TRPM7: variants seen among roughly 807,000 people sequenced by gnomAD.
The protein encoded by TRPM7 is transient receptor potential cation channel subfamily M member 7, also known as LTRPC ion channel family member 7.
In TRPM7, 134 loss-of-function variants were observed where a neutral mutation model predicts 229.7. The ratio of observed to expected loss-of-function variants is 0.58; its 90% confidence interval spans 0.51 to 0.67. The LOEUF is 0.67. Among genes scored for constraint, TRPM7 ranks in the 30% least tolerant of loss-of-function variants. TRPM7 has a pLI of 0.00. For missense variants in TRPM7, 1,901 were observed against 2,210.0 expected (o/e 0.86, Z 2.80); for synonymous variants, 699 against 715.2 (o/e 0.98, Z 0.36).
chr15:50,570,499 TAGC>T (rs2053824462), intron 36 of TRPM7, among the ~76,000 whole-genome samples: 1 of 152,032 alleles, frequency 6.6e-6, no homozygotes, highest in South Asian at 2.1e-4. Context: ...TCATCTTAGT[TAGC>T]AAAGAACAAT....
intron 23 of TRPM7, 35 bp from the exon 24 acceptor site, chr15:50,594,648 T>C: frequency 2.1e-6 from 3 of 1,410,332 alleles, no homozygotes; most frequent in Non-Finnish European, 2.9e-6. Context: ...AAATAAACTT[T>C]GTTAATCATC....
At position 50,561,587 on chromosome 15, in the gene TRPM7, A is replaced by AT; in HGVS notation, c.*90dup. The AT allele has an allele frequency of 6.7e-7, 1 of 1,501,338 alleles. No individual in the cohort carries two copies. Among genetic ancestry groups the AT allele is most frequent in the Non-Finnish European group, 9.1e-7 (1 of 1,098,144 alleles). 93.0% of individuals were successfully genotyped at this position (1,501,338 alleles called of 1,614,324 possible). A position where few individuals can be genotyped will look rare whatever the true frequency, so the allele number is the denominator to read the frequency against. On this transcript the variant is annotated 3_prime_UTR_variant, in exon 39 of 39. Transcript: ENST00000646667. ...AAATTCAACTTGCATACACCTTTCTATATTACCAAACAATTTCCTCCCGAG... is the reference window on the plus strand; with the variant it reads ...AAATTCAACTTGCATACACCTTTCTATTATTACCAAACAATTTCCTCCCGAG...
intron 31 of TRPM7, 177 bp downstream of exon 31, chr15:50,578,462 G>C: frequency 2.4e-6 from 1 of 424,180 alleles, no homozygotes; most frequent in Non-Finnish European, 4.2e-6. Flanking sequence ...AGGGTGATTC[G>C]TGTGTTTGTG....
rs779023493 is a variant in TRPM7, at chr15:50,575,807, A to G, written c.4670-18T>C. The G allele has an allele frequency of 6.2e-7, 1 of 1,613,166 alleles. No homozygotes were observed. Among genetic ancestry groups the G allele is most frequent in the Non-Finnish European group, 8.5e-7 (1 of 1,179,604 alleles). On this transcript the variant is annotated intron_variant, in intron 32 of 38. Transcript: ENST00000646667. ...TTCCACAGCTGCATAAAAATGAGAG[A>G]GAAATAATTAAATCTGTAAAGGTCC...
intron 7 of TRPM7, among the ~76,000 whole-genome samples, chr15:50,636,185 T>G (rs1399976122): frequency 6.7e-6 from 1 of 150,152 alleles, no homozygotes; most frequent in East Asian, 1.9e-4. Flanking sequence ...AAACAATTCT[T>G]AACTTTTTTT....
At chr15:50,579,619 T>A (rs2054306174) in intron 30 of TRPM7, among the ~76,000 whole-genome samples, 1 of 152,158 alleles carries the variant, frequency 6.6e-6, no homozygotes, top group Non-Finnish European at 1.5e-5. Flanking sequence ...GTGCCTATTT[T>A]GTACTTACAT....
At chr15:50,646,542 CA>C (rs1567075441) in intron 4 of TRPM7, among the ~76,000 whole-genome samples, 1 of 152,116 alleles carries the variant, frequency 6.6e-6, no homozygotes, top group Non-Finnish European at 1.5e-5. Flanking sequence ...CCTAGGCCTC[CA>C]AAAGTGCTGA....
At chr15:50,595,109 G>T (rs977597242) in intron 23 of TRPM7, among the ~76,000 whole-genome samples, 3 of 152,070 alleles carry the variant, frequency 2.0e-5, no homozygotes, top group Admixed American at 2.0e-4. Flanking sequence ...AGGTGAGACA[G>T]GAGGGACTAC....
rs1177119478 is a variant in TRPM7 at position 50,686,726 on chromosome 15, G to A, written c.-193C>T. On this transcript the variant is annotated 5_prime_UTR_variant, in exon 1 of 39. Coordinates refer to ENST00000646667, the MANE Select transcript of TRPM7 (RefSeq NM_017672.6). ...GAAGCCGAGTCTTTCATAATTGTGC[G>A]ACCAACTCCTCCGGGTGACTGGCCA... 12 of 684,338 alleles carry A rather than the reference G, an allele frequency of 1.8e-5. No individual in the cohort carries two copies. Among genetic ancestry groups the A allele is most frequent in the Admixed American group, 1.1e-4 (3 of 28,086 alleles). 42.4% of individuals were successfully genotyped at this position (684,338 alleles called of 1,614,324 possible).
intron 19 of TRPM7, among the ~76,000 whole-genome samples, chr15:50,608,334 T>C (rs912351163): frequency 3.3e-5 from 5 of 149,286 alleles, no homozygotes; most frequent in Non-Finnish European, 7.4e-5. Context: ...TGAAAAATTA[T>C]GGGTAAGAAT....
At chr15:50,575,840 TATTAA>T (rs1463671479) in intron 32 of TRPM7, 24 bp downstream of exon 32, 4 of 1,611,318 alleles carry the variant, frequency 2.5e-6, no homozygotes, top group Admixed American at 1.7e-5. Flanking sequence ...TCCAAAATGC[TATTAA>T]ATTTTGTTTT....
At position 50,560,794 on chromosome 15, in the gene TRPM7, ACAAT is replaced by A. The variant is rs1179765785; in HGVS notation, c.*880_*883del. The stretch of plus-strand genomic sequence containing the variant: ...CATGTTTACATTCTGATTTGATATA[ACAAT>A]CAATAAAATCTTTGGAGAAGTTTGT... On this transcript the variant is annotated 3_prime_UTR_variant, in exon 39 of 39. Transcript: ENST00000646667. 6.6e-6 allele frequency: 1 copy of A among 152,660 alleles called. No individual in the cohort carries two copies. Among genetic ancestry groups the A allele is most frequent in the Non-Finnish European group, 1.5e-5 (1 of 68,022 alleles). The allele number at this position is 152,660 out of a possible 1,614,324, so 9.5% of individuals were successfully genotyped here.
chr15:50,580,384 G>A (rs1013242453), intron 30 of TRPM7, among the ~76,000 whole-genome samples: 5 of 152,022 alleles, frequency 3.3e-5, no homozygotes, highest in African/African-American at 9.7e-5. Flanking sequence ...TCCACTTTTG[G>A]TTTTGGATTA....
intron 2 of TRPM7, among the ~76,000 whole-genome samples, chr15:50,662,296 CAGCCTGGACGACAG>C (rs2061744002): frequency 6.7e-6 from 1 of 148,950 alleles, no homozygotes; most frequent in Non-Finnish European, 1.5e-5. Context: ...GCTTGTACTC[CAGCCTGGACGACAG>C]AGCAAGACTC....
chr15:50,639,893 C>G (rs80281549), intron 5 of TRPM7, among the ~76,000 whole-genome samples: 5,154 of 147,622 alleles, frequency 0.035, 296 homozygotes, highest in African/African-American at 0.12. Context: ...TCCACACCTT[C>G]AAGATATAAG....
intron 2 of TRPM7, among the ~76,000 whole-genome samples, chr15:50,661,875 A>T (rs1233998439): frequency 2.0e-5 from 3 of 152,182 alleles, no homozygotes; most frequent in Non-Finnish European, 4.4e-5. Context: ...TTAGGAAATA[A>T]CTATATCTTA....
intron 1 of TRPM7, among the ~76,000 whole-genome samples, chr15:50,669,598 G>A (rs759578656): frequency 2.6e-5 from 4 of 152,074 alleles, no homozygotes; most frequent in East Asian, 1.9e-4. Flanking sequence ...AAAGCAAATC[G>A]GTCATACTAT....
At chr15:50,637,793 CAT>C (rs2060951298) in intron 6 of TRPM7, among the ~76,000 whole-genome samples, 200 bp from the exon 7 acceptor site, 1 of 152,198 alleles carries the variant, frequency 6.6e-6, no homozygotes, top group Non-Finnish European at 1.5e-5. Flanking sequence ...GGTTGAAACA[CAT>C]GATTATATCT....
intron 5 of TRPM7, among the ~76,000 whole-genome samples, chr15:50,643,006 T>C (rs1391881639): frequency 6.6e-6 from 1 of 152,198 alleles, no homozygotes; most frequent in African/African-American, 2.4e-5. Flanking sequence ...TAAAAAAATT[T>C]AAGGGCCGGG....
Sources: gnomAD v4.1 joint callset for allele counts (sites outside exome capture counted in the v4.1 genomes callset) on GRCh38, gnomAD v4.1.1 for gene constraint, MANE v1.5 for transcripts, NCBI Gene and HGNC (gene_info 2026-07-23, HGNC 2026-07-21) for gene names.